The following PEX14 variants were observed in gnomAD, a reference collection of about 807,000 sequenced individuals.
PEX14 encodes the protein peroxisomal biogenesis factor 14, also known as peroxisomal membrane protein PEX14.
PEX14 carries 15 observed loss-of-function variants against 49.5 expected under a neutral mutation model. That is an observed-to-expected ratio of 0.30 (90% confidence interval 0.20 to 0.47). The LOEUF (loss-of-function observed/expected upper bound fraction) is 0.47. PEX14 is among the 20% of genes least tolerant of loss of function. The pLI, the probability that PEX14 is intolerant of heterozygous loss-of-function variation, is 1.00. For synonymous variants in PEX14, 210 were observed against 212.7 expected (o/e 0.99, Z 0.11); for missense variants, 398 against 494.8 (o/e 0.80, Z 1.86).
At chr1:10,607,635 T>A (rs1010056674) in intron 4 of PEX14, among the ~76,000 whole-genome samples, 1 of 152,210 alleles carries the variant, frequency 6.6e-6, no homozygotes, top group African/African-American at 2.4e-5. Flanking sequence ...CTTTGATGAC[T>A]GATTAGGTTG....
intron 3 of PEX14, among the ~76,000 whole-genome samples, chr1:10,576,516 G>A (rs1253777096): frequency 6.6e-6 from 1 of 152,130 alleles, no homozygotes; most frequent in African/African-American, 2.4e-5. Context: ...TATGGTTTAC[G>A]TTTTTATATT....
chr1:10,627,239 C>CCCGCCCTGAG (rs764746227), intron 7 of PEX14, 33 bp from the exon 8 acceptor site: 14 of 1,532,656 alleles, frequency 9.1e-6, no homozygotes, highest in Non-Finnish European at 1.3e-5. Flanking sequence ...CCGCAAGGCG[C>CCCGCCCTGAG]CCGCCCTGAG....
Position 10,512,692 on chromosome 1 carries a change from C to T in PEX14, c.84+17371C>T, listed in dbSNP as rs1461876428. Among the ~76,000 whole-genome samples, 2 of 147,260 alleles carry T rather than the reference C, an allele frequency of 1.4e-5. No individual in the cohort carries two copies. Among genetic ancestry groups the T allele is most frequent in the East Asian group, 2.0e-4 (1 of 5,100 alleles). On this transcript the variant is annotated intron_variant, in intron 2 of 8. Transcript: ENST00000356607. This position sits in a 1 kb window ranked among gnomAD's most constrained non-coding sequence, Gnocchi z 4.6. ...TGAAATGCTCCCTGTTCTTTTCCTT[C>T]TTTTTTTTTTTAACTTTTATTTTTT...
At chr1:10,610,370 T>TACACACAC (rs767834450) in intron 4 of PEX14, among the ~76,000 whole-genome samples, 3 of 98,542 alleles carry the variant, frequency 3.0e-5, no homozygotes, top group East Asian at 2.0e-4. Flanking sequence ...TATATATATA[T>TACACACAC]ATACACACAC....
intron 2 of PEX14, among the ~76,000 whole-genome samples, chr1:10,530,931 C>G (rs533716900): frequency 6.6e-6 from 1 of 152,140 alleles, no homozygotes; most frequent in South Asian, 2.1e-4. Context: ...GATTTTTCTT[C>G]TACTCTGGTT....
intron 3 of PEX14, among the ~76,000 whole-genome samples, chr1:10,567,395 A>G (rs1021061974): frequency 7.2e-5 from 11 of 152,218 alleles, no homozygotes; most frequent in African/African-American, 2.7e-4. Flanking sequence ...ATTATCTGTT[A>G]AAATTAATTT....
At chr1:10,554,861 C>T (rs79501877) in intron 3 of PEX14, among the ~76,000 whole-genome samples, 1 of 152,022 alleles carries the variant, frequency 6.6e-6, no homozygotes, top group Non-Finnish European at 1.5e-5. Context: ...ATTACTGATG[C>T]GTACCACCAT....
chr1:10,547,051 C>T (rs1484954751), intron 3 of PEX14, among the ~76,000 whole-genome samples: 1 of 152,148 alleles, frequency 6.6e-6, no homozygotes, highest in African/African-American at 2.4e-5. Flanking sequence ...AATCAAGAGG[C>T]TGTCACTGGA....
At chr1:10,536,333 AG>A in intron 3 of PEX14, 36 bp downstream of exon 3, 1 of 1,231,222 alleles carries the variant, frequency 8.1e-7, no homozygotes, top group Non-Finnish European at 1.2e-6. Context: ...CACGGCCTAC[AG>A]GGGGACTGGG....
chr1:10,515,443 C>G (rs1641953888), intron 2 of PEX14, among the ~76,000 whole-genome samples: 1 of 152,240 alleles, frequency 6.6e-6, no homozygotes, highest in East Asian at 1.9e-4. Context: ...AGGGATTGGT[C>G]CTAGAACTCG....
intron 3 of PEX14, among the ~76,000 whole-genome samples, chr1:10,568,385 T>C (rs1034406636): frequency 5.5e-5 from 8 of 146,588 alleles, no homozygotes; most frequent in African/African-American, 2.0e-4. Flanking sequence ...CTTGTATTCT[T>C]ATTGTATTAG....
chr1:10,575,934 A>G (rs1441535773), intron 3 of PEX14, among the ~76,000 whole-genome samples: 1 of 152,160 alleles, frequency 6.6e-6, no homozygotes, highest in Admixed American at 6.6e-5. Context: ...TGTGGTCACT[A>G]AAAAATGACC....
intron 3 of PEX14, among the ~76,000 whole-genome samples, chr1:10,542,767 A>G (rs1233435534): frequency 6.6e-6 from 1 of 152,232 alleles, no homozygotes; most frequent in Non-Finnish European, 1.5e-5. Flanking sequence ...TCTCAAAAAT[A>G]GAAACAAAAA....
intron 2 of PEX14, among the ~76,000 whole-genome samples, chr1:10,502,921 C>T (rs1434944894): frequency 2.6e-5 from 4 of 151,586 alleles, no homozygotes; most frequent in African/African-American, 7.3e-5. Context: ...CCTCAGCCTC[C>T]CCAGTAGCTG....
At chr1:10,617,885 G>A (rs930133966) in intron 4 of PEX14, among the ~76,000 whole-genome samples, 3 of 152,138 alleles carry the variant, frequency 2.0e-5, no homozygotes, top group Admixed American at 6.5e-5. Context: ...ACTTCGCTGA[G>A]GCCCCGCTTG....
chr1:10,482,260 C>T (rs1000077966), intron 1 of PEX14, among the ~76,000 whole-genome samples: 1 of 151,948 alleles, frequency 6.6e-6, no homozygotes, highest in African/African-American at 2.4e-5. Flanking sequence ...TCCTGAGTAA[C>T]TGGGATTATA....
chr1:10,553,789 G>A (rs1464470423), intron 3 of PEX14, among the ~76,000 whole-genome samples: 1 of 152,068 alleles, frequency 6.6e-6, no homozygotes, highest in African/African-American at 2.4e-5. Flanking sequence ...CCCTGAGTTT[G>A]TCCTTCTCTG....
intron 2 of PEX14, among the ~76,000 whole-genome samples, chr1:10,527,409 C>T (rs528029009): frequency 6.3e-4 from 95 of 150,060 alleles, no homozygotes; most frequent in African/African-American, 1.8e-3. Context: ...CCCAGCTACT[C>T]GGGAGGCTGA....
chr1:10,543,646 G>A (rs1374987595), intron 3 of PEX14, among the ~76,000 whole-genome samples: 1 of 152,098 alleles, frequency 6.6e-6, no homozygotes, highest in Non-Finnish European at 1.5e-5. Context: ...TAACAGTATT[G>A]CCTAGGCTGG....
Sources: allele counts gnomAD v4.1 joint callset (sites outside exome capture counted in the v4.1 genomes callset), GRCh38; gene constraint gnomAD v4.1.1; non-coding constraint Gnocchi (gnomAD v3.1); transcripts MANE v1.5; gene names NCBI Gene and HGNC (gene_info 2026-07-23, HGNC 2026-07-21).